EPHX2: variants seen among roughly 807,000 people sequenced by gnomAD.
EPHX2 encodes the protein bifunctional epoxide hydrolase 2.
Under a neutral mutation model 78.7 loss-of-function variants are expected in EPHX2, and 74 were observed. The observed-to-expected ratio is 0.94, with a 90% CI of 0.78 to 1.14. The LOEUF (loss-of-function observed/expected upper bound fraction) is 1.14, where lower values mean the gene tolerates loss of function less well. Ranked by LOEUF, EPHX2 falls within the 50% of genes most tolerant of loss-of-function variation. The pLI is 0.00. For missense variants in EPHX2, 715 were observed against 702.5 expected (o/e 1.02, Z -0.20); for synonymous variants, 251 against 255.2 (o/e 0.98, Z 0.16).
At chr8:27,510,970 T>G (rs1333816598) in intron 5 of EPHX2, among the ~76,000 whole-genome samples, 1 of 151,756 alleles carries the variant, frequency 6.6e-6, no homozygotes, top group Non-Finnish European at 1.5e-5. Context: ...AGGCAGAGAT[T>G]AGGACACACA....
intron 7 of EPHX2, 107 bp downstream of exon 7, chr8:27,515,920 C>T: frequency 1.0e-6 from 1 of 967,692 alleles, no homozygotes; most frequent in Non-Finnish European, 1.6e-6. Flanking sequence ...GACAGTGGAG[C>T]ATTGTCTCCA....
At chr8:27,546,608 G>A (rs56892563), downstream of EPHX2, among the ~76,000 whole-genome samples, 13,930 of 152,186 alleles carry the variant, frequency 0.092, 854 homozygotes, top group East Asian at 0.19. Flanking sequence ...AAACCTAAAA[G>A]CGTCCTTTAC....
At chr8:27,496,881 A>G (rs1341100717) in intron 1 of EPHX2, among the ~76,000 whole-genome samples, 1 of 152,186 alleles carries the variant, frequency 6.6e-6, no homozygotes, top group Non-Finnish European at 1.5e-5. Flanking sequence ...ACAAATGGGT[A>G]ACTTGTTCCC....
rs1295511752 is a variant in EPHX2 at position 27,503,706 on chromosome 8, T to C, written c.289T>C (p.Ser97Pro). The change falls in exon 3 of 19, where the codon TCA (serine) becomes CCA (proline). Residue 97 changes from serine (S) to proline (P), a missense_variant. Physicochemically the swap from Ser to Pro is moderately conservative, Grantham distance 74. Transcript: ENST00000521400. ...AAAAGAAATCTTTGACAAGGCGATT[T>C]CAGCCAGAAAGATCAACCGCCCCAT... is the stretch of plus-strand genomic sequence containing the variant. ...SIKEIFDKAI[S>P]ARKINRPMLQ... 9.3e-6 allele frequency: 15 copies of C among 1,613,890 alleles called. No homozygotes were observed. The highest frequency in any genetic ancestry group is 1.3e-5 in the Non-Finnish European group (15 of 1,179,998).
chr8:27,523,061 C>A (rs1425493774), intron 11 of EPHX2, among the ~76,000 whole-genome samples: 1 of 151,780 alleles, frequency 6.6e-6, no homozygotes, highest in Non-Finnish European at 1.5e-5. Context: ...AATTCAGGGC[C>A]CGAGTGGCCA....
intron 9 of EPHX2, among the ~76,000 whole-genome samples, chr8:27,519,388 G>A (rs1229052413): frequency 6.6e-6 from 1 of 152,192 alleles, no homozygotes; most frequent in Non-Finnish European, 1.5e-5. Context: ...TGGGTGGTGG[G>A]GGCAGGAATG....
intron 12 of EPHX2, among the ~76,000 whole-genome samples, chr8:27,532,612 G>C (rs754028504): frequency 2.8e-4 from 43 of 152,196 alleles, no homozygotes; most frequent in Non-Finnish European, 4.1e-4. Flanking sequence ...CCAGCCCCTG[G>C]CCGTTGCTGG....
chr8:27,503,966 A>G (rs929259952), intron 3 of EPHX2, among the ~76,000 whole-genome samples: 3 of 152,240 alleles, frequency 2.0e-5, no homozygotes, highest in African/African-American at 7.2e-5. Flanking sequence ...GCAGGATTTT[A>G]CTTAATAAAG....
intron 8 of EPHX2, 123 bp downstream of exon 8, chr8:27,516,521 TTCA>T: frequency 1.1e-6 from 1 of 879,402 alleles, no homozygotes; most frequent in South Asian, 1.6e-5. Flanking sequence ...AGAGTCTGAC[TTCA>T]CCTCTTTCCT....
At position 27,520,738 on chromosome 8, in the gene EPHX2, A is replaced by T. The variant is rs773299585; in HGVS notation, c.946-145A>T. On this transcript the variant is annotated intron_variant, in intron 9 of 18. Coordinates refer to ENST00000521400, the MANE Select transcript of EPHX2 (RefSeq NM_001979.6). ...CCTTAATCATCTCCTTAAAGGCTGT[A>T]TCTTCAAAAACAGTCCCATTCTGAG... 9.8e-6 allele frequency: 9 copies of T among 922,082 alleles called. No homozygotes were observed. In the African/African-American group the frequency reaches 1.1e-4, roughly 12 times the overall value. 57.1% of individuals were successfully genotyped at this position (922,082 alleles called of 1,614,324 possible). A position where few individuals can be genotyped will look rare whatever the true frequency, so the allele number is the denominator to read the frequency against.
At chr8:27,501,884 G>A (rs1484692727) in intron 2 of EPHX2, among the ~76,000 whole-genome samples, 1 of 151,830 alleles carries the variant, frequency 6.6e-6, no homozygotes, top group African/African-American at 2.4e-5. Context: ...TCATGCTAAG[G>A]CTATTTACAC....
chr8:27,511,005 A>G (rs1814219564), intron 5 of EPHX2, among the ~76,000 whole-genome samples: 1 of 152,116 alleles, frequency 6.6e-6, no homozygotes, highest in African/African-American at 2.4e-5. Flanking sequence ...GGGCATGAGG[A>G]CACAAGGGAA....
intron 9 of EPHX2, among the ~76,000 whole-genome samples, chr8:27,519,301 C>T (rs1309667606): frequency 6.6e-6 from 1 of 152,206 alleles, no homozygotes; most frequent in Non-Finnish European, 1.5e-5. Flanking sequence ...GAATGACGTG[C>T]TGGTGCAAGC....
At chr8:27,506,300 A>AT (rs1245946936) in intron 4 of EPHX2, among the ~76,000 whole-genome samples, 1 of 152,184 alleles carries the variant, frequency 6.6e-6, no homozygotes, top group African/African-American at 2.4e-5. Context: ...TTATTACTAC[A>AT]TATAAATTTT....
At chr8:27,525,101 TGTGTGTGCGCGC>T (rs1398461368) in intron 11 of EPHX2, among the ~76,000 whole-genome samples, 3 of 130,820 alleles carry the variant, frequency 2.3e-5, no homozygotes, top group South Asian at 2.3e-4. Context: ...TGTGTGTGTG[TGTGTGTGCGCGC>T]GCGCGCGCGC....
chr8:27,492,081 T>C (rs1813400619), intron 1 of EPHX2, among the ~76,000 whole-genome samples: 1 of 152,122 alleles, frequency 6.6e-6, no homozygotes, highest in African/African-American at 2.4e-5. Context: ...ATTGTTCATA[T>C]CCTCCTTTTA....
At chr8:27,516,207 T>C in intron 7 of EPHX2, 113 bp from the exon 8 acceptor site, 2 of 1,071,818 alleles carry the variant, frequency 1.9e-6, no homozygotes, top group South Asian at 1.4e-5. Flanking sequence ...GGTAGTGCCC[T>C]GTGGCTCTTG....
intron 12 of EPHX2, among the ~76,000 whole-genome samples, chr8:27,532,552 T>C (rs7006736): frequency 0.013 from 1,966 of 152,160 alleles, 39 homozygotes; most frequent in African/African-American, 0.045. Context: ...CTCGGCAGGG[T>C]TGGTCCCTTC....
At chr8:27,538,087 A>C (rs1449381127) in intron 13 of EPHX2, among the ~76,000 whole-genome samples, 1 of 152,202 alleles carries the variant, frequency 6.6e-6, no homozygotes, top group Non-Finnish European at 1.5e-5. Flanking sequence ...CATGCAGAGA[A>C]TGCAAACTCA....
Sources: gnomAD v4.1 joint callset for allele counts (sites outside exome capture counted in the v4.1 genomes callset) on GRCh38, gnomAD v4.1.1 for gene constraint, MANE v1.5 for transcripts, NCBI Gene and HGNC (gene_info 2026-07-23, HGNC 2026-07-21) for gene names.